TBC1D2B: variants seen among roughly 807,000 people sequenced by gnomAD.
The protein encoded by TBC1D2B is TBC1 domain family, member 2B.
In TBC1D2B, 64 loss-of-function variants were observed where a neutral mutation model predicts 100.8. The observed-to-expected ratio is 0.64, with a 90% CI of 0.52 to 0.78. The LOEUF (loss-of-function observed/expected upper bound fraction) is 0.78. Among genes scored for constraint, TBC1D2B ranks in the 30% least tolerant of loss-of-function variants. The pLI is 0.00. For missense variants in TBC1D2B, 1,052 were observed against 1,218.4 expected (o/e 0.86, Z 2.03); for synonymous variants, 480 against 479.7 (o/e 1.00, Z -0.01).
intron 9 of TBC1D2B, among the ~76,000 whole-genome samples, chr15:78,011,581 C>T (rs1465390620): frequency 6.6e-6 from 1 of 151,104 alleles, no homozygotes; most frequent in Admixed American, 6.6e-5. Flanking sequence ...AGCGATCCTC[C>T]CACCTCAACC....
At chr15:78,017,738 A>C in intron 7 of TBC1D2B, 109 bp downstream of exon 7, 1 of 623,480 alleles carries the variant, frequency 1.6e-6, no homozygotes, top group East Asian at 2.8e-5. Flanking sequence ...ATCAGTAACC[A>C]CATCTCTCCA....
rs997268037 is a variant in TBC1D2B, at chr15:78,077,444, A to C, written c.209T>G (p.Phe70Cys). The C allele has an allele frequency of 2.6e-6, 4 of 1,543,762 alleles. No homozygotes were observed. The African/African-American group carries it at 4.2e-5, about 16-fold the overall frequency. The part of the protein sequence containing the change: ...FDARRCYLYY[F>C]KSPQDALPLG... ...GGGCAGCGCGTCCTGCGGACTCTTG[A>C]AATAGTAAAGGTAGCAGCGGCGCGC... Residue 70 changes from phenylalanine to cysteine, a missense_variant, in exon 1 of 13, where the codon TTC becomes TGC. Physicochemically the swap from Phe to Cys is radical, Grantham distance 205. Around this residue, in one of 4 missense-constraint regions of TBC1D2B, gnomAD observed 627 missense variants for 646.1 expected, o/e 0.97. Coordinates refer to ENST00000300584, the MANE Select transcript of TBC1D2B (RefSeq NM_144572.2).
chr15:78,046,003 C>T (rs907857332), intron 2 of TBC1D2B, among the ~76,000 whole-genome samples: 1 of 152,138 alleles, frequency 6.6e-6, no homozygotes, highest in Non-Finnish European at 1.5e-5. Flanking sequence ...GCGGTCTCGG[C>T]TCACTGCAAC....
At chr15:78,042,200 T>C (rs2073105340) in intron 3 of TBC1D2B, among the ~76,000 whole-genome samples, 1 of 152,216 alleles carries the variant, frequency 6.6e-6, no homozygotes, top group Admixed American at 6.5e-5. Flanking sequence ...ATCATCCATG[T>C]TCCTATGCTC....
At chr15:77,998,718 C>A (rs1174318984) in intron 12 of TBC1D2B, 2 of 193,968 alleles carry the variant, frequency 1.0e-5, no homozygotes, top group African/African-American at 2.3e-5. Context: ...GAAGAGCTCC[C>A]GGCACTTGCA....
chr15:78,038,140 A>G (rs950581245), intron 3 of TBC1D2B, among the ~76,000 whole-genome samples: 6 of 152,182 alleles, frequency 3.9e-5, no homozygotes. Flanking sequence ...GCCTTCCCTC[A>G]TCACTCTTCC....
At chr15:78,010,131 G>C (rs534184444) in intron 9 of TBC1D2B, among the ~76,000 whole-genome samples, 1 of 152,316 alleles carries the variant, frequency 6.6e-6, no homozygotes, top group African/African-American at 2.4e-5. Flanking sequence ...ACACCATCCT[G>C]CTTCCAGGCT....
At chr15:78,008,139 C>G (rs1294086750) in intron 10 of TBC1D2B, among the ~76,000 whole-genome samples, 1 of 152,222 alleles carries the variant, frequency 6.6e-6, no homozygotes, top group East Asian at 1.9e-4. Context: ...CCAGTGCTGG[C>G]AGCAGCCCCA....
At chr15:78,021,971 G>A (rs780561486) in intron 6 of TBC1D2B, among the ~76,000 whole-genome samples, 3 of 152,094 alleles carry the variant, frequency 2.0e-5, no homozygotes, top group Non-Finnish European at 4.4e-5. Context: ...TGCTCCACAC[G>A]TCTCCCCCAC....
In TBC1D2B at chr15:77,996,252, C is replaced by T. The variant is rs989584823; in HGVS notation, c.*1908G>A. ...GCATCTCTCAGGGCAAACTGGACAA[C>T]ACGAGCCTGTCCCTAAAGGCAGCTC... On this transcript the variant is annotated 3_prime_UTR_variant, in exon 13 of 13. Transcript: ENST00000300584. The T allele has an allele frequency of 6.6e-6, 1 of 152,102 alleles. No homozygotes were observed. The highest frequency in any genetic ancestry group is 2.4e-5 in the African/African-American group (1 of 41,418). 9.4% of individuals were successfully genotyped at this position (152,102 alleles called of 1,614,324 possible).
intron 10 of TBC1D2B, among the ~76,000 whole-genome samples, chr15:78,006,017 G>A (rs540673182): frequency 1.3e-5 from 2 of 152,084 alleles, no homozygotes; most frequent in Admixed American, 1.3e-4. Context: ...AACCTCAAAA[G>A]TCTATGTGAG....
intron 12 of TBC1D2B, among the ~76,000 whole-genome samples, chr15:78,000,107 T>C (rs1311069475): frequency 6.6e-6 from 1 of 152,226 alleles, no homozygotes; most frequent in Non-Finnish European, 1.5e-5. Context: ...CTTGCAGTCT[T>C]GATAACAGCG....
intron 1 of TBC1D2B, among the ~76,000 whole-genome samples, chr15:78,075,299 C>T (rs1223432388): frequency 2.6e-5 from 4 of 151,824 alleles, no homozygotes; most frequent in Admixed American, 6.6e-5. Context: ...CCCGGGTTCA[C>T]GCCATTCTCC....
At chr15:78,028,086 T>C (rs1342456892) in intron 4 of TBC1D2B, among the ~76,000 whole-genome samples, 1 of 152,252 alleles carries the variant, frequency 6.6e-6, no homozygotes, top group Admixed American at 6.5e-5. Context: ...CTATTCCTGC[T>C]GGCCCATGCT....
At chr15:78,024,956 CTG>C (rs1471249985) in intron 5 of TBC1D2B, among the ~76,000 whole-genome samples, 1 of 152,200 alleles carries the variant, frequency 6.6e-6, no homozygotes, top group African/African-American at 2.4e-5. Context: ...TGGGCTGAAA[CTG>C]TGTTTAGGGA....
chr15:78,030,259 T>C, intron 3 of TBC1D2B, 89 bp from the exon 4 acceptor site: 3 of 1,087,284 alleles, frequency 2.8e-6, no homozygotes, highest in Admixed American at 5.6e-5. Flanking sequence ...AAAATTTAAA[T>C]ATCTAATGAT....
chr15:78,010,259 G>A (rs1470312149), intron 9 of TBC1D2B, among the ~76,000 whole-genome samples: 2 of 152,138 alleles, frequency 1.3e-5, no homozygotes, highest in Non-Finnish European at 2.9e-5. Context: ...TGTTCATAAC[G>A]GAAACTGGGG....
At chr15:78,075,207 T>TA (rs899710076) in intron 1 of TBC1D2B, among the ~76,000 whole-genome samples, 7 of 152,024 alleles carry the variant, frequency 4.6e-5, no homozygotes, top group African/African-American at 1.7e-4. Context: ...ATTTTTTTTT[T>TA]AATTTTTTTT....
Position 78,030,147 on chromosome 15 carries a change from G to T in TBC1D2B, c.707C>A (p.Pro236His). 6.2e-7 allele frequency: 1 copy of T among 1,609,144 alleles called. No homozygotes were observed. The highest frequency in any genetic ancestry group is 8.5e-7 in the Non-Finnish European group (1 of 1,178,512). The stretch of plus-strand genomic sequence containing the variant: ...CCGACTATCATTATGTCCTCTCCCA[G>T]GACGGAAAGAAGACATCGAATTCCT... ...ELKNSMSSFRPGRGHNDSRRT... is the reference protein window; with the variant it reads ...ELKNSMSSFRHGRGHNDSRRT... Residue 236 changes from proline to histidine, a missense_variant, in exon 4 of 13, where the codon CCT (proline) becomes CAT (histidine). Transcript: ENST00000300584.
Sources: gnomAD v4.1 joint callset for allele counts (sites outside exome capture counted in the v4.1 genomes callset) on GRCh38, gnomAD v4.1.1 for gene constraint, gnomAD v4.1.1 regional missense constraint, MANE v1.5 for transcripts, NCBI Gene and HGNC (gene_info 2026-07-23, HGNC 2026-07-21) for gene names.